CAMSAP2: variants seen among roughly 807,000 people sequenced by gnomAD.
CAMSAP2 encodes calmodulin-regulated spectrin-associated protein 2.
CAMSAP2 carries 26 observed loss-of-function variants against 146.1 expected under a neutral mutation model. The observed-to-expected ratio is 0.18, with a 90% CI of 0.13 to 0.25. CAMSAP2 has a LOEUF of 0.25. CAMSAP2 is among the 10% of genes least tolerant of loss of function. The pLI, the probability that CAMSAP2 is intolerant of heterozygous loss-of-function variation, is 1.00. For missense variants in CAMSAP2, 1,381 were observed against 1,759.3 expected (o/e 0.78, Z 3.85); for synonymous variants, 499 against 596.6 (o/e 0.84, Z 2.38).
At chr1:200,828,874 TG>T (rs1666970897) in intron 4 of CAMSAP2, among the ~76,000 whole-genome samples, 1 of 151,360 alleles carries the variant, frequency 6.6e-6, no homozygotes. Context: ...AAAAAACTTA[TG>T]GGCCAGGTGC....
At position 200,859,428 on chromosome 1, in the gene CAMSAP2, T is replaced by C. The variant is rs1446978613; in HGVS notation, c.*1369T>C. 6.6e-6 allele frequency: 1 copy of C among 152,654 alleles called. No homozygotes were observed. Among genetic ancestry groups the C allele is most frequent in the Middle Eastern group, 3.2e-3 (1 of 316 alleles). 9.5% of individuals were successfully genotyped at this position (152,654 alleles called of 1,614,324 possible). On this transcript the variant is annotated 3_prime_UTR_variant, in exon 17 of 17. Transcript: ENST00000358823. ...CTAATGTCTCATATGATGTATTTAC[T>C]TATTTTAAAAAAAAGAATAGGAATG...
At chr1:200,743,998 T>G (rs1490361645) in intron 1 of CAMSAP2, among the ~76,000 whole-genome samples, 1 of 152,084 alleles carries the variant, frequency 6.6e-6, no homozygotes, top group Non-Finnish European at 1.5e-5. Context: ...TAATACTTAT[T>G]GAGCTCCTAC....
intron 2 of CAMSAP2, among the ~76,000 whole-genome samples, chr1:200,803,845 T>C (rs1286489985): frequency 2.0e-5 from 3 of 152,150 alleles, no homozygotes; most frequent in African/African-American, 7.2e-5. Context: ...AGTTTTACTT[T>C]TATTCATTCA....
chr1:200,742,737 T>C (rs1321797908), intron 1 of CAMSAP2, among the ~76,000 whole-genome samples: 1 of 152,182 alleles, frequency 6.6e-6, no homozygotes, highest in Non-Finnish European at 1.5e-5. Context: ...ATTAGAAACT[T>C]TCTAACTTTT....
At chr1:200,823,455 CTTTA>C (rs1666825512) in intron 4 of CAMSAP2, among the ~76,000 whole-genome samples, 1 of 152,150 alleles carries the variant, frequency 6.6e-6, no homozygotes, top group African/African-American at 2.4e-5. Flanking sequence ...ACACTACAGA[CTTTA>C]TTTAGATTCT....
At chr1:200,755,671 G>A (rs1389032803) in intron 1 of CAMSAP2, among the ~76,000 whole-genome samples, 1 of 152,234 alleles carries the variant, frequency 6.6e-6, no homozygotes, top group Non-Finnish European at 1.5e-5. Context: ...AAGGCTCTAT[G>A]TGTAGGTACC....
Position 200,761,055 on chromosome 1 carries a change from A to T in CAMSAP2, c.356A>T (p.Lys119Ile). ...QKGLYVTDQE[K>I]LVTERDLHKK... ...GGTCTTTATGTCACTGACCAGGAAA[A>T]ATTGGTAACTGAACGAGATCTCCAC... The change falls in exon 2 of 17, where the codon AAA becomes ATA. Residue 119 changes from lysine to isoleucine, a missense_variant. Transcript: ENST00000358823. 6.4e-7 allele frequency: 1 copy of T among 1,565,936 alleles called. No homozygotes were observed. The highest frequency in any genetic ancestry group is 8.6e-7 in the Non-Finnish European group (1 of 1,156,716).
At chr1:200,790,623 CTGG>C (rs1665722941) in intron 2 of CAMSAP2, among the ~76,000 whole-genome samples, 1 of 152,162 alleles carries the variant, frequency 6.6e-6, no homozygotes, top group Admixed American at 6.5e-5. Flanking sequence ...ATCCTTTGGG[CTGG>C]TGGTTTGCCT....
chr1:200,833,689 TGAA>T lies in CAMSAP2; in HGVS notation c.927+846_927+848del, dbSNP rs35131357. Among the ~76,000 whole-genome samples the T allele has an allele frequency of 7.5e-3, 1,139 of 152,316 alleles. 13 individuals are homozygous for T. Among genetic ancestry groups the T allele is most frequent in the Non-Finnish European group, 0.013 (861 of 68,018 alleles). On this transcript the variant is annotated intron_variant, in intron 6 of 16. Coordinates refer to ENST00000358823, the MANE Select transcript of CAMSAP2 (RefSeq NM_203459.4). ...AAATAGTAAGATTCTTTATAAATAA[TGAA>T]GCTTTCTTTTTCTTAAAGAATTTTT...
chr1:200,747,426 G>A (rs1415706179), intron 1 of CAMSAP2, among the ~76,000 whole-genome samples: 1 of 152,204 alleles, frequency 6.6e-6, no homozygotes, highest in Non-Finnish European at 1.5e-5. Flanking sequence ...GGAAGTTATT[G>A]ATGATTTTGC....
intron 2 of CAMSAP2, among the ~76,000 whole-genome samples, chr1:200,806,521 A>G (rs1666174415): frequency 6.6e-6 from 1 of 152,200 alleles, no homozygotes; most frequent in East Asian, 1.9e-4. Context: ...ATCTATCAAA[A>G]CTTAAATTGT....
chr1:200,857,741 T>G lies in CAMSAP2; in HGVS notation c.4132-13T>G. ...TTCGTGTTGTTATGTTGTTTTTGTTTTTTATTTTAAAGGAAATGGAGAAAT... is the reference window on the plus strand; with the variant it reads ...TTCGTGTTGTTATGTTGTTTTTGTTGTTTATTTTAAAGGAAATGGAGAAAT... On this transcript the variant is annotated splice_polypyrimidine_tract_variant and intron_variant, in intron 16 of 16. Coordinates refer to ENST00000358823, the MANE Select transcript of CAMSAP2 (RefSeq NM_203459.4). The surrounding 1 kb of genome is among the most constrained non-coding windows in gnomAD (Gnocchi z 4.7). 6.4e-7 allele frequency: 1 copy of G among 1,562,698 alleles called. No individual in the cohort carries two copies. The highest frequency in any genetic ancestry group is 8.6e-7 in the Non-Finnish European group (1 of 1,160,962).
At chr1:200,817,187 CACAT>C (rs1326237719) in intron 4 of CAMSAP2, among the ~76,000 whole-genome samples, 3 of 71,612 alleles carry the variant, frequency 4.2e-5, no homozygotes, top group African/African-American at 2.4e-4. Flanking sequence ...TACACACACA[CACAT>C]GTGTGTGTGT....
At chr1:200,751,719 G>C (rs1356170089) in intron 1 of CAMSAP2, among the ~76,000 whole-genome samples, 1 of 152,180 alleles carries the variant, frequency 6.6e-6, no homozygotes, top group Admixed American at 6.5e-5. Flanking sequence ...AGGATGAAAA[G>C]ATGGTGAGAG....
At chr1:200,826,179 C>T (rs1666902126) in intron 4 of CAMSAP2, among the ~76,000 whole-genome samples, 1 of 151,996 alleles carries the variant, frequency 6.6e-6, no homozygotes, top group Non-Finnish European at 1.5e-5. Context: ...ACTTGTAATC[C>T]CAGCACTTTG....
intron 7 of CAMSAP2, among the ~76,000 whole-genome samples, chr1:200,843,053 C>T (rs1667367312): frequency 6.6e-6 from 1 of 151,800 alleles, no homozygotes; most frequent in South Asian, 2.1e-4. Context: ...TAAGCTTAGC[C>T]CACTAAAGAA....
chr1:200,817,196 G>GTA (rs1342858576), intron 4 of CAMSAP2, among the ~76,000 whole-genome samples: 2 of 84,946 alleles, frequency 2.4e-5, no homozygotes, highest in Non-Finnish European at 4.4e-5. Flanking sequence ...ACACATGTGT[G>GTA]TGTGTATACA....
intron 3 of CAMSAP2, among the ~76,000 whole-genome samples, chr1:200,812,418 C>T (rs768488089): frequency 5.9e-5 from 9 of 152,192 alleles, no homozygotes; most frequent in African/African-American, 9.7e-5. Flanking sequence ...TCATATCCAC[C>T]TCATTCCATT....
In CAMSAP2 at chr1:200,760,906, A is replaced by G; in HGVS notation, c.207A>G (p.Pro69=). ...AGTATGACCAGGAACACATCAAACC[A>G]CCTGTTGTTAATTTGCTTCTATCGG... ...TDQYDQEHIK[P]PVVNLLLSAE... The change falls in exon 2 of 17, where the codon CCA becomes CCG. Residue 69 remains proline (P), a synonymous_variant. Transcript: ENST00000358823. The G allele has an allele frequency of 6.2e-7, 1 of 1,614,056 alleles. No homozygotes were observed. Among genetic ancestry groups the G allele is most frequent in the East Asian group, 2.2e-5 (1 of 44,886 alleles).
Sources: allele counts gnomAD v4.1 joint callset (sites outside exome capture counted in the v4.1 genomes callset), GRCh38; gene constraint gnomAD v4.1.1; non-coding constraint Gnocchi (gnomAD v3.1); transcripts MANE v1.5; gene names NCBI Gene and HGNC (gene_info 2026-07-23, HGNC 2026-07-21).